The following COL22A1 variants were observed in gnomAD, a reference collection of about 807,000 sequenced individuals.
COL22A1 encodes the protein collagen alpha-1(XXII) chain.
Under a neutral mutation model 248.9 loss-of-function variants are expected in COL22A1, and 221 were observed. That is an observed-to-expected ratio of 0.89 (90% CI 0.80 to 0.99). COL22A1 has a LOEUF of 0.99. Among genes scored for constraint, COL22A1 ranks in the 50% least tolerant of loss-of-function variants. The pLI is 0.00. For missense variants in COL22A1, 2,240 were observed against 2,179.0 expected (o/e 1.03, Z -0.56); for synonymous variants, 891 against 793.4 (o/e 1.12, Z -2.07).
chr8:138,720,737 ACCCGAAGG>A lies in COL22A1; in HGVS notation c.2349_2355+1del. The A allele has an allele frequency of 6.2e-7, 1 of 1,613,110 alleles. No homozygotes were observed. The highest frequency in any genetic ancestry group is 1.1e-5 in the South Asian group (1 of 91,044). ...AATGGGAAAAAGAGGCAAAGTCCAT[ACCCGAAGG>A]CCTGGTTTTCCAGGCAGACCATCTT... On this transcript the variant is annotated splice_donor_variant and coding_sequence_variant, in exon 27 of 65. Transcript: ENST00000303045. LOFTEE classifies it high-confidence loss of function.
chr8:138,705,686 TG>T (rs1828367900), intron 30 of COL22A1, among the ~76,000 whole-genome samples: 1 of 152,134 alleles, frequency 6.6e-6, no homozygotes, highest in Admixed American at 6.5e-5. Context: ...CATGCCAAAT[TG>T]TAAACACCAC....
intron 26 of COL22A1, 113 bp from the exon 27 acceptor site, chr8:138,720,905 T>G (rs1829822790): frequency 1.2e-6 from 1 of 853,390 alleles, no homozygotes; most frequent in African/African-American, 1.7e-5. Flanking sequence ...CGGGTGGTTT[T>G]GAACTGCTTC....
At chr8:138,725,965 TGTGAAGGTTCCCCC>T (rs1189027896) in intron 23 of COL22A1, among the ~76,000 whole-genome samples, 2 of 152,228 alleles carry the variant, frequency 1.3e-5, no homozygotes, top group Admixed American at 1.3e-4. Context: ...CATCTGTACT[TGTGAAGGTTCCCCC>T]GTGATTCTAT....
chr8:138,682,995 G>A (rs1356583574), intron 39 of COL22A1, among the ~76,000 whole-genome samples: 3 of 152,174 alleles, frequency 2.0e-5, no homozygotes, highest in Admixed American at 6.6e-5. Context: ...CACCGCACCC[G>A]GCCCTACATG....
chr8:138,702,360 G>C (rs115817283), intron 31 of COL22A1, among the ~76,000 whole-genome samples: 1 of 152,332 alleles, frequency 6.6e-6, no homozygotes, highest in African/African-American at 2.4e-5. Flanking sequence ...CATTGCTGGG[G>C]AGGAGACAGA....
At chr8:138,673,227 T>G (rs1825197895) in intron 41 of COL22A1, among the ~76,000 whole-genome samples, 1 of 151,482 alleles carries the variant, frequency 6.6e-6, no homozygotes, top group African/African-American at 2.4e-5. Context: ...TTTTTTTTTT[T>G]TTAGACAGAG....
At chr8:138,677,309 T>C (rs1178848315) in intron 40 of COL22A1, among the ~76,000 whole-genome samples, 1 of 152,238 alleles carries the variant, frequency 6.6e-6, no homozygotes, top group Non-Finnish European at 1.5e-5. Context: ...GCAGATGTTG[T>C]GCTCACTCTA....
Position 138,663,724 on chromosome 8 carries a change from G to C in COL22A1, c.3167C>G (p.Pro1056Arg). The C allele has an allele frequency of 1.9e-6, 3 of 1,611,106 alleles. No homozygotes were observed. The highest frequency in any genetic ancestry group is 1.7e-6 in the Non-Finnish European group (2 of 1,177,268). The change falls in exon 42 of 65, where the codon CCA becomes CGA. Residue 1056 changes from proline (P) to arginine (R), a missense_variant. Pro to Arg is a moderately radical substitution (Grantham distance 103, BLOSUM62 -2). Transcript: ENST00000303045. ...CTGTACCGGGGATCCTTTGTCTCCT[G>C]GTGGTCCGGAAGGGCCCTAGAAACA... ...VAGPPGPSGP[P>R]GDKGSPGSRG... is the part of the protein sequence containing the mutation.
At chr8:138,758,629 C>G (rs566539397) in intron 18 of COL22A1, among the ~76,000 whole-genome samples, 5 of 152,194 alleles carry the variant, frequency 3.3e-5, no homozygotes, top group Admixed American at 2.0e-4. Context: ...TTAAAAAGAC[C>G]GTCTCTGCAG....
chr8:138,598,638 G>A, intron 61 of COL22A1, 81 bp downstream of exon 61: 1 of 1,337,842 alleles, frequency 7.5e-7, no homozygotes, highest in Non-Finnish European at 1.0e-6. Context: ...GTAAACTGGT[G>A]CCTCTGAAGT....
chr8:138,901,581 G>A (rs1318905687), intron 1 of COL22A1, among the ~76,000 whole-genome samples: 1 of 151,842 alleles, frequency 6.6e-6, no homozygotes. Context: ...TGCCTAGGCT[G>A]GTCTCAAATT....
At position 138,614,560 on chromosome 8, in the gene COL22A1, C is replaced by A. The variant is rs546693650; in HGVS notation, c.3925-640G>T. The stretch of plus-strand genomic sequence containing the variant: ...AGCCCATCACCTGGCATCCCAGGGT[C>A]CCATCCCAGCTCTAGCCCTATGTAC... On this transcript the variant is annotated intron_variant, in intron 55 of 64. Coordinates refer to ENST00000303045, the MANE Select transcript of COL22A1 (RefSeq NM_152888.3). Among the ~76,000 whole-genome samples the A allele has an allele frequency of 4.6e-5, 7 of 152,318 alleles. No individual in the cohort carries two copies. In the South Asian group the frequency reaches 1.5e-3, roughly 32 times the overall value.
intron 10 of COL22A1, among the ~76,000 whole-genome samples, chr8:138,804,307 A>G (rs573873666): frequency 6.6e-6 from 1 of 152,232 alleles, no homozygotes; most frequent in Middle Eastern, 3.4e-3. Flanking sequence ...GGATGACACT[A>G]TAGGACCACG....
At chr8:138,733,405 A>G (rs1335869117) in intron 23 of COL22A1, among the ~76,000 whole-genome samples, 1 of 152,218 alleles carries the variant, frequency 6.6e-6, no homozygotes, top group Non-Finnish European at 1.5e-5. Context: ...ACGCTCCAAG[A>G]TGGCAGTGCT....
chr8:138,694,643 G>T, intron 33 of COL22A1, 82 bp from the exon 34 acceptor site: 1 of 1,482,398 alleles, frequency 6.7e-7, no homozygotes, highest in Non-Finnish European at 9.3e-7. Flanking sequence ...ACGTTGCAAT[G>T]GGTATAATTT....
intron 60 of COL22A1, among the ~76,000 whole-genome samples, chr8:138,599,576 C>G (rs964049169): frequency 6.6e-6 from 1 of 152,068 alleles, no homozygotes; most frequent in African/African-American, 2.4e-5. Context: ...TTTAAAAAAA[C>G]TAGCCAGGTA....
At chr8:138,844,760 C>T (rs1027856818) in intron 3 of COL22A1, among the ~76,000 whole-genome samples, 3 of 151,960 alleles carry the variant, frequency 2.0e-5, no homozygotes, top group Non-Finnish European at 2.9e-5. Context: ...ATCATCCTGG[C>T]TAACACGGTG....
At chr8:138,604,030 G>A (rs1024844866) in intron 59 of COL22A1, among the ~76,000 whole-genome samples, 1 of 152,166 alleles carries the variant, frequency 6.6e-6, no homozygotes, top group African/African-American at 2.4e-5. Context: ...ATTGTGGGGG[G>A]TCTGCTTTGC....
intron 12 of COL22A1, among the ~76,000 whole-genome samples, chr8:138,782,665 T>C (rs534964780): frequency 3.0e-4 from 45 of 152,316 alleles, no homozygotes; most frequent in African/African-American, 9.4e-4. Flanking sequence ...AGAGTCCCAC[T>C]GGCCTCAGGT....
Sources: allele counts gnomAD v4.1 joint callset (sites outside exome capture counted in the v4.1 genomes callset), GRCh38; gene constraint gnomAD v4.1.1; transcripts MANE v1.5; gene names NCBI Gene and HGNC (gene_info 2026-07-23, HGNC 2026-07-21).